TRIP12: variants seen among roughly 807,000 people sequenced by gnomAD.
TRIP12 encodes E3 ubiquitin-protein ligase TRIP12.
In TRIP12, 25 loss-of-function variants were observed where a neutral mutation model predicts 244.2. The ratio of observed to expected loss-of-function variants is 0.10; its 90% CI spans 0.07 to 0.14. The LOEUF is 0.14. Among genes scored for constraint, TRIP12 ranks in the 10% least tolerant of loss-of-function variants. The pLI, the probability that TRIP12 is intolerant of heterozygous loss-of-function variation, is 1.00. For missense variants in TRIP12, 1,677 were observed against 2,486.4 expected (o/e 0.67, Z 6.92); for synonymous variants, 905 against 873.1 (o/e 1.04, Z -0.64).
At position 229,807,638 on chromosome 2, in the gene TRIP12, T is replaced by A. The variant is rs540021303; in HGVS notation, c.2496+70A>T. ...GCACATTCAAATCCACATATCCACC[T>A]CCCCATTCCATCCCTACACCCACTC... is the stretch of plus-strand genomic sequence containing the variant. On this transcript the variant is annotated intron_variant, in intron 17 of 41. Coordinates refer to ENST00000675903, the MANE Select transcript of TRIP12 (RefSeq NM_001348323.3). 1,157 of 1,560,702 alleles carry A rather than the reference T, an allele frequency of 7.4e-4. 20 individuals are homozygous for A. The South Asian group carries it at 0.011, about 15-fold the overall frequency.
intron 34 of TRIP12, among the ~76,000 whole-genome samples, chr2:229,783,886 G>T (rs1453044127): frequency 6.6e-6 from 1 of 151,610 alleles, no homozygotes; most frequent in Non-Finnish European, 1.5e-5. Context: ...TGAGGTGGGT[G>T]GATCACCTGA....
At chr2:229,773,299 C>T (rs112737101) in intron 38 of TRIP12, among the ~76,000 whole-genome samples, 522 of 152,276 alleles carry the variant, frequency 3.4e-3, no homozygotes, top group Non-Finnish European at 5.7e-3. Flanking sequence ...TGGTCTTGAA[C>T]TCCTGATCTT....
intron 1 of TRIP12, among the ~76,000 whole-genome samples, chr2:229,907,798 C>G (rs1419571600): frequency 6.6e-6 from 1 of 151,608 alleles, no homozygotes; most frequent in Admixed American, 6.6e-5. Flanking sequence ...GAGACCTTAT[C>G]TCTAGAAAAA....
chr2:229,766,081 C>G lies in TRIP12; in HGVS notation c.*1473G>C, dbSNP rs1405865604. On this transcript the variant is annotated 3_prime_UTR_variant, in exon 42 of 42. Transcript: ENST00000675903. ...AATTAATTAAAACTTACAGAACAGT[C>G]AAAAAAATTGATTTCTCAAAGTTCA... 1 of 151,314 alleles carries G rather than the reference C, an allele frequency of 6.6e-6. No homozygotes were observed. Among genetic ancestry groups the G allele is most frequent in the African/African-American group, 2.4e-5 (1 of 41,108 alleles). The allele number at this position is 151,314 out of a possible 1,614,324, so 9.4% of individuals were successfully genotyped here.
chr2:229,786,860 AAAAG>A (rs2040218653), intron 33 of TRIP12, among the ~76,000 whole-genome samples: 1 of 152,210 alleles, frequency 6.6e-6, no homozygotes, highest in African/African-American at 2.4e-5. Flanking sequence ...AGGCTTTAGG[AAAAG>A]AAACTTAAAT....
At chr2:229,882,752 G>A (rs1294977408) in intron 1 of TRIP12, among the ~76,000 whole-genome samples, 1 of 152,198 alleles carries the variant, frequency 6.6e-6, no homozygotes, top group Non-Finnish European at 1.5e-5. Flanking sequence ...TGTATGTCAT[G>A]GAGTGTTAAG....
At chr2:229,884,234 TTC>T (rs1491580859) in intron 1 of TRIP12, among the ~76,000 whole-genome samples, 8 of 124,608 alleles carry the variant, frequency 6.4e-5, no homozygotes, top group South Asian at 3.0e-4. Flanking sequence ...AATTTTTCTT[TTC>T]TTTTTTTTTT....
At chr2:229,895,429 G>A (rs926606376) in intron 1 of TRIP12, among the ~76,000 whole-genome samples, 1 of 151,894 alleles carries the variant, frequency 6.6e-6, no homozygotes, top group African/African-American at 2.4e-5. Flanking sequence ...AACATTTAGT[G>A]GCTGAGAATT....
chr2:229,881,557 C>T (rs2064885072), intron 1 of TRIP12, among the ~76,000 whole-genome samples: 1 of 152,006 alleles, frequency 6.6e-6, no homozygotes, highest in African/African-American at 2.4e-5. Context: ...ATTGTTGATA[C>T]AATTCAGTAG....
intron 4 of TRIP12, among the ~76,000 whole-genome samples, chr2:229,849,158 G>A (rs2058156610): frequency 6.6e-6 from 1 of 152,184 alleles, no homozygotes. Context: ...GTGACAATTA[G>A]TAAGGAATGT....
intron 24 of TRIP12, among the ~76,000 whole-genome samples, chr2:229,797,205 G>C (rs1467592392): frequency 6.6e-6 from 1 of 151,712 alleles, no homozygotes; most frequent in Non-Finnish European, 1.5e-5. Context: ...TACCAAAACT[G>C]CTCAAGGTAC....
At chr2:229,868,470 T>C (rs549058874) in intron 2 of TRIP12, among the ~76,000 whole-genome samples, 7 of 152,170 alleles carry the variant, frequency 4.6e-5, no homozygotes, top group African/African-American at 9.7e-5. Context: ...CCCAAAGTAC[T>C]GACATTACAG....
intron 9 of TRIP12, 125 bp from the exon 10 acceptor site, chr2:229,815,433 A>C (rs1365371269): frequency 3.3e-6 from 2 of 604,126 alleles, no homozygotes; most frequent in Non-Finnish European, 5.7e-6. Context: ...ACCACACAAA[A>C]ATAACTTTAA....
In TRIP12 at chr2:229,881,035, G is replaced by C. The variant is rs1045664208; in HGVS notation, c.-49-907C>G. On this transcript the variant is annotated intron_variant, in intron 1 of 41. Transcript: ENST00000675903. ...GCTCAAATAGAGTAAATTGAGCAAT[G>C]GTCTCAGATATTCTGGATTTTCAAC... Among the ~76,000 whole-genome samples, 6 of 152,118 alleles carry C rather than the reference G, an allele frequency of 3.9e-5. 1 individual carries two copies. The highest frequency in any genetic ancestry group is 2.9e-5 in the Non-Finnish European group (2 of 68,022).
chr2:229,887,741 C>T (rs1224463367), intron 1 of TRIP12, among the ~76,000 whole-genome samples: 1 of 152,168 alleles, frequency 6.6e-6, no homozygotes, highest in East Asian at 1.9e-4. Flanking sequence ...GATGACTGCA[C>T]ATCCTTTCAA....
rs189958206 is a variant in TRIP12, at chr2:229,852,410, T to C, written c.1027+6362A>G. ...TATAAGAAGGTAGATTAGCAAAATA[T>C]ATTTTGAAGCCAAACTATTATAAAA... On this transcript the variant is annotated intron_variant, in intron 4 of 41. Transcript: ENST00000675903. Among the ~76,000 whole-genome samples, 305 of 152,256 alleles carry C rather than the reference T, an allele frequency of 2.0e-3. 2 individuals are homozygous for C. The highest frequency in any genetic ancestry group is 7.0e-3 in the African/African-American group (291 of 41,570).
intron 13 of TRIP12, among the ~76,000 whole-genome samples, 178 bp downstream of exon 13, chr2:229,813,692 G>A (rs2047815810): frequency 6.6e-6 from 1 of 152,102 alleles, no homozygotes; most frequent in Non-Finnish European, 1.5e-5. Context: ...GCTGAGGCAG[G>A]AGAATCGCTT....
chr2:229,785,634 A>C (rs2154253396), intron 34 of TRIP12, 123 bp downstream of exon 34: 1 of 863,258 alleles, frequency 1.2e-6, no homozygotes, highest in East Asian at 2.7e-5. Context: ...CAAATCATTC[A>C]AGAGAAAAGA....
intron 24 of TRIP12, 130 bp downstream of exon 24, chr2:229,797,560 T>A: frequency 9.6e-7 from 1 of 1,037,194 alleles, no homozygotes; most frequent in East Asian, 2.6e-5. Context: ...GCACCAAGGG[T>A]GTATATAAGG....
Sources: allele counts gnomAD v4.1 joint callset (sites outside exome capture counted in the v4.1 genomes callset), GRCh38; gene constraint gnomAD v4.1.1; transcripts MANE v1.5; gene names NCBI Gene and HGNC (gene_info 2026-07-23, HGNC 2026-07-21).